The following PRRC2A variants were observed in gnomAD, a reference collection of about 807,000 sequenced individuals.
PRRC2A encodes the protein protein PRRC2A.
In PRRC2A, 59 loss-of-function variants were observed where a neutral mutation model predicts 224.6. The observed-to-expected ratio is 0.26, with a 90% CI of 0.21 to 0.33. The LOEUF (loss-of-function observed/expected upper bound fraction) is 0.33. Among genes scored for constraint, PRRC2A ranks in the 10% least tolerant of loss-of-function variants. The pLI is 1.00. For synonymous variants in PRRC2A, 1,194 were observed against 1,109.5 expected (o/e 1.08, Z -1.51); for missense variants, 3,095 against 2,880.7 (o/e 1.07, Z -1.70).
Position 31,631,385 on chromosome 6 carries a change from C to A in PRRC2A, c.2712C>A (p.Arg904=), listed in dbSNP as rs116345584. ...CAGAAGCAGGCCGAAAGCCTGCCCG[C>A]GGAGTCGGGAGTGGAGGCCAGGGCC... ...TGPEAGRKPA[R]GVGSGGQGPP... The change falls in exon 16 of 31, where the codon CGC becomes CGA. Residue 904 remains arginine, a synonymous_variant. Transcript: ENST00000376033. The surrounding 1 kb of genome is among the most constrained non-coding windows in gnomAD (Gnocchi z 4.5). 3,254 of 1,606,032 alleles carry A rather than the reference C, an allele frequency of 2.0e-3. 21 individuals carry two copies. Among genetic ancestry groups the A allele is most frequent in the African/African-American group, 0.014 (1,008 of 74,616 alleles).
At position 31,637,605 on chromosome 6, in the gene PRRC2A, C is replaced by CT. The variant is rs747676116; in HGVS notation, c.*20dup. On this transcript the variant is annotated 3_prime_UTR_variant, in exon 31 of 31. Transcript: ENST00000376033. ...CCGCTGAGGGAGTTCCTCTTGCCCC[C>CT]TACCCCCGGGGCTTGTATATAGATT... is the stretch of plus-strand genomic sequence containing the variant. The CT allele has an allele frequency of 2.0e-6, 3 of 1,508,984 alleles. No homozygotes were observed. In the African/African-American group the frequency reaches 4.2e-5, roughly 21 times the overall value. The allele number at this position is 1,508,984 out of a possible 1,614,324, so 93.5% of individuals were successfully genotyped here.
rs1775871209 is a variant in PRRC2A at position 31,626,035 on chromosome 6, G to A, written c.855G>A (p.Val285=). 6.2e-7 allele frequency: 1 copy of A among 1,611,848 alleles called. No homozygotes were observed. ...TPDGPSRFPR[V]AGPRGSGPPM... ...TTGTGTACAGCCGTTTTCCCCGTGT[G>A]GCGGGCCCCCGAGGCTCAGGGCCAC... Residue 285 remains valine, a synonymous_variant, in exon 9 of 31, where the codon GTG becomes GTA. Coordinates refer to ENST00000376033, the MANE Select transcript of PRRC2A (RefSeq NM_004638.4).
Position 31,632,180 on chromosome 6 carries a change from C to T in PRRC2A, c.3507C>T (p.Arg1169=), listed in dbSNP as rs756001208. The part of the protein sequence containing the change: ...RVFTPRGVPS[R]RGRGGGRPPP... ...TCACTCCCAGAGGGGTGCCATCTCGCCGGGGCCGAGGAGGAGGGAGGCCCC... is the reference window on the plus strand; with the variant it reads ...TCACTCCCAGAGGGGTGCCATCTCGTCGGGGCCGAGGAGGAGGGAGGCCCC... Residue 1169 remains arginine (R), a synonymous_variant, in exon 16 of 31, where the codon CGC becomes CGT. Transcript: ENST00000376033. The T allele has an allele frequency of 1.2e-4, 195 of 1,596,148 alleles. No individual in the cohort carries two copies. The highest frequency in any genetic ancestry group is 1.6e-4 in the Non-Finnish European group (186 of 1,172,066).
Position 31,626,874 on chromosome 6 carries a change from C to T in PRRC2A, c.1073+12C>T, listed in dbSNP as rs1489965372. 1 of 1,611,442 alleles carries T rather than the reference C, an allele frequency of 6.2e-7. No homozygotes were observed. Among genetic ancestry groups the T allele is most frequent in the Non-Finnish European group, 8.5e-7 (1 of 1,178,958 alleles). On this transcript the variant is annotated intron_variant, in intron 10 of 30. Coordinates refer to ENST00000376033, the MANE Select transcript of PRRC2A (RefSeq NM_004638.4). Reference sequence around the variant, plus strand: ...GGTGCTGAGGGCCAGTGAGTTAGGGCCATCAGGGGAGAAGAGGAGGGGGTC... The same window carrying T: ...GGTGCTGAGGGCCAGTGAGTTAGGGTCATCAGGGGAGAAGAGGAGGGGGTC...
rs1777420532 is a variant in PRRC2A, at chr6:31,636,899, T to A, written c.6101T>A (p.Leu2034Gln). The change falls in exon 28 of 31, where the codon CTG (leucine) becomes CAG (glutamine). Residue 2034 changes from leucine (L) to glutamine (Q), a missense_variant. By Grantham distance (113) the Leu-to-Gln change is moderately radical. Transcript: ENST00000376033. This position sits in a 1 kb window ranked among gnomAD's most constrained non-coding sequence, Gnocchi z 4.3. Reference protein sequence around the residue: ...RPPPAPATRVLPSPARPFPAS... With the variant: ...RPPPAPATRVQPSPARPFPAS... ...CCACCTGCTCCTGCTACTCGGGTGCTGCCTTCACCTGCCAGGCCCTTCCCC... is the reference window on the plus strand; with the variant it reads ...CCACCTGCTCCTGCTACTCGGGTGCAGCCTTCACCTGCCAGGCCCTTCCCC... 17 of 1,612,994 alleles carry A rather than the reference T, an allele frequency of 1.1e-5. No homozygotes were observed. The highest frequency in any genetic ancestry group is 1.4e-5 in the Non-Finnish European group (17 of 1,179,994).
Position 31,623,723 on chromosome 6 carries a change from G to C in PRRC2A, c.113-9G>C, listed in dbSNP as rs531386312. 4.2e-5 allele frequency: 68 copies of C among 1,613,870 alleles called. 1 individual carries two copies. In the South Asian group the frequency reaches 6.8e-4, roughly 16 times the overall value. On this transcript the variant is annotated splice_polypyrimidine_tract_variant and intron_variant, in intron 2 of 30. Transcript: ENST00000376033. ...GCATTTTCGACCCTCTCTCCGTCTTGTTCTCCAGTTGCCCCTCGCCATGGC... is the reference window on the plus strand; with the variant it reads ...GCATTTTCGACCCTCTCTCCGTCTTCTTCTCCAGTTGCCCCTCGCCATGGC...
Position 31,627,905 on chromosome 6 carries a change from C to CATGCAAGAAGAGCGCCGG in PRRC2A, c.1432_1449dup (p.Met478_Arg483dup). 1 of 1,613,048 alleles carries CATGCAAGAAGAGCGCCGG rather than the reference C, an allele frequency of 6.2e-7. No individual in the cohort carries two copies. The highest frequency in any genetic ancestry group is 8.5e-7 in the Non-Finnish European group (1 of 1,180,034). On this transcript the variant is annotated inframe_insertion, in exon 12 of 31. Transcript: ENST00000376033. The surrounding 1 kb of genome is among the most constrained non-coding windows in gnomAD (Gnocchi z 5.6). Reference sequence around the variant, plus strand: ...GACGGCGAGAAGAAGAGGAGCGGCGCATGCAAGAAGAGCGCCGGGCAGCCT... The same window carrying CATGCAAGAAGAGCGCCGG: ...GACGGCGAGAAGAAGAGGAGCGGCGCATGCAAGAAGAGCGCCGGATGCAAGAAGAGCGCCGGGCAGCCT...
In PRRC2A at chr6:31,624,314, A is replaced by C. The variant is rs769504407; in HGVS notation, c.344A>C (p.Gln115Pro). The C allele has an allele frequency of 6.2e-7, 1 of 1,613,996 alleles. No individual in the cohort carries two copies. Among genetic ancestry groups the C allele is most frequent in the Non-Finnish European group, 8.5e-7 (1 of 1,180,000 alleles). The change falls in exon 4 of 31, where the codon CAG becomes CCG. Residue 115 changes from glutamine (Q) to proline (P), a missense_variant. By Grantham distance (76) the Gln-to-Pro change is moderately conservative (BLOSUM62 -1). Transcript: ENST00000376033. ...PPESQPLPASQTPASNQPKRP... is the reference protein window; with the variant it reads ...PPESQPLPASPTPASNQPKRP... ...GAATCGCAGCCACTGCCGGCTTCAC[A>C]GACGCCTGCCTCCAACCAGCCGAAA...
At position 31,624,104 on chromosome 6, in the gene PRRC2A, A is replaced by G. The variant is rs147336858; in HGVS notation, c.291-157A>G. On this transcript the variant is annotated intron_variant, in intron 3 of 30. Coordinates refer to ENST00000376033, the MANE Select transcript of PRRC2A (RefSeq NM_004638.4). ...TTTTTGTCTTGGAGAGAGAGCATGAAAAAATAGACAACAGCCTACAAAGGA... is the reference window on the plus strand; with the variant it reads ...TTTTTGTCTTGGAGAGAGAGCATGAGAAAATAGACAACAGCCTACAAAGGA... Among the ~76,000 whole-genome samples the G allele has an allele frequency of 2.0e-3, 299 of 152,356 alleles. 1 individual carries two copies. The highest frequency in any genetic ancestry group is 4.0e-3 in the Admixed American group (62 of 15,312).
rs1470037462 is a variant in PRRC2A at position 31,637,489 on chromosome 6, A to G, written c.6377A>G (p.Glu2126Gly). The change falls in exon 31 of 31, where the codon GAG becomes GGG. Residue 2126 changes from glutamate (E) to glycine (G), a missense_variant. Transcript: ENST00000376033. ...DALRWIPKPWERTGPPPREGP... is the reference protein window; with the variant it reads ...DALRWIPKPWGRTGPPPREGP... ...CTGCGCTGGATACCTAAGCCTTGGG[A>G]GCGGACAGGGCCGCCACCTCGAGAA... The G allele has an allele frequency of 1.9e-6, 3 of 1,574,188 alleles. No homozygotes were observed. The highest frequency in any genetic ancestry group is 2.6e-6 in the Non-Finnish European group (3 of 1,159,952).
At position 31,626,094 on chromosome 6, in the gene PRRC2A, C is replaced by T. The variant is rs1775881696; in HGVS notation, c.914C>T (p.Ser305Phe). ...TTAGTAGAGCCTGTGGGTCGTCCCT[C>T]TATTCTCAAAGAGGATAATCTCAAA... ...MRLVEPVGRP[S>F]ILKEDNLKEF... Residue 305 changes from serine (S) to phenylalanine (F), a missense_variant, in exon 9 of 31, where the codon TCT becomes TTT. By Grantham distance (155) the Ser-to-Phe change is radical. Around this residue, in one of 8 missense-constraint regions of PRRC2A, gnomAD observed 287 missense variants for 275.3 expected, o/e 1.04. Coordinates refer to ENST00000376033, the MANE Select transcript of PRRC2A (RefSeq NM_004638.4). 6.2e-7 allele frequency: 1 copy of T among 1,612,860 alleles called. No individual in the cohort carries two copies.
rs1561842956 is a variant in PRRC2A at position 31,636,495 on chromosome 6, C to T, written c.5836-15C>T. 1 of 1,609,142 alleles carries T rather than the reference C, an allele frequency of 6.2e-7. No individual in the cohort carries two copies. The highest frequency in any genetic ancestry group is 1.7e-5 in the Admixed American group (1 of 59,794). Reference sequence around the variant, plus strand: ...TTTTGTGGGGGTTGATATATTTCTCCCTGTTTCCCGACAGGTACGCCAGGA... The same window carrying T: ...TTTTGTGGGGGTTGATATATTTCTCTCTGTTTCCCGACAGGTACGCCAGGA... On this transcript the variant is annotated splice_polypyrimidine_tract_variant and intron_variant, in intron 26 of 30. Transcript: ENST00000376033. This position sits in a 1 kb window ranked among gnomAD's most constrained non-coding sequence, Gnocchi z 4.3.
chr6:31,630,694 T>C lies in PRRC2A; in HGVS notation c.2358T>C (p.Asp786=). ...MLRERGTPPV[D]PKLAWVGDVF... ...GGGAACGGGGCACTCCACCGGTGGA[T>C]CCAAAGTTGGCCTGGGTAGGAGATG... The change falls in exon 15 of 31, where the codon GAT becomes GAC. Residue 786 remains aspartate, a synonymous_variant. Coordinates refer to ENST00000376033, the MANE Select transcript of PRRC2A (RefSeq NM_004638.4). 6.2e-7 allele frequency: 1 copy of C among 1,614,044 alleles called. No individual in the cohort carries two copies. Among genetic ancestry groups the C allele is most frequent in the Non-Finnish European group, 8.5e-7 (1 of 1,180,010 alleles).
chr6:31,636,924 C>T lies in PRRC2A; in HGVS notation c.6126C>T (p.Pro2042=), dbSNP rs570553846. ...TGCCTTCACCTGCCAGGCCCTTCCC[C>T]GCTAGCTTGGGGCGAGCAGAGGTAA... ...RVLPSPARPF[P]ASLGRAELHP... Residue 2042 remains proline, a synonymous_variant, in exon 28 of 31, where the codon CCC becomes CCT. Coordinates refer to ENST00000376033, the MANE Select transcript of PRRC2A (RefSeq NM_004638.4). The surrounding 1 kb of genome is among the most constrained non-coding windows in gnomAD (Gnocchi z 4.3). 9.9e-5 allele frequency: 160 copies of T among 1,612,840 alleles called. No homozygotes were observed. Among genetic ancestry groups the T allele is most frequent in the Non-Finnish European group, 1.3e-4 (152 of 1,179,986 alleles).
At position 31,631,920 on chromosome 6, in the gene PRRC2A, A is replaced by G; in HGVS notation, c.3247A>G (p.Thr1083Ala). 1 of 1,612,844 alleles carries G rather than the reference A, an allele frequency of 6.2e-7. No homozygotes were observed. Among genetic ancestry groups the G allele is most frequent in the Non-Finnish European group, 8.5e-7 (1 of 1,179,940 alleles). Reference sequence around the variant, plus strand: ...CCACCCTCCTGCTCCCCGAGGCCGCACTGCCAGCGAGACACGGAGCGAGGG... The same window carrying G: ...CCACCCTCCTGCTCCCCGAGGCCGCGCTGCCAGCGAGACACGGAGCGAGGG... The part of the protein sequence containing the change: ...PNHPPAPRGR[T>A]ASETRSEGSE... Residue 1083 changes from threonine to alanine, a missense_variant, in exon 16 of 31, where the codon ACT becomes GCT. Physicochemically the swap from Thr to Ala is moderately conservative, Grantham distance 58 (BLOSUM62 0). Around this residue, in one of 8 missense-constraint regions of PRRC2A, gnomAD observed 2,001 missense variants for 1,764.9 expected, o/e 1.13. Coordinates refer to ENST00000376033, the MANE Select transcript of PRRC2A (RefSeq NM_004638.4). The surrounding 1 kb of genome is among the most constrained non-coding windows in gnomAD (Gnocchi z 4.5).
At chr6:31,628,903 A>G in intron 12 of PRRC2A, 1 of 524,626 alleles carries the variant, frequency 1.9e-6, no homozygotes, top group South Asian at 2.7e-5. Context: ...CCTATAGGCC[A>G]AGACTGAAGA....
At chr6:31,624,868 G>T in intron 5 of PRRC2A, 1 of 507,696 alleles carries the variant, frequency 2.0e-6, no homozygotes, top group East Asian at 3.3e-5. Flanking sequence ...GCGCAATCTC[G>T]GCTCACTGCA....
At position 31,622,884 on chromosome 6, in the gene PRRC2A, A is replaced by G; in HGVS notation, c.95A>G (p.Glu32Gly). The G allele has an allele frequency of 6.2e-7, 1 of 1,614,100 alleles. No individual in the cohort carries two copies. Reference protein sequence around the residue: ...LFDTYKGKSLEIQKPAVAPRH... With the variant: ...LFDTYKGKSLGIQKPAVAPRH... ...GATACGTATAAGGGCAAGTCCTTAG[A>G]GATCCAGAAACCCGCTGGTGAGAGT... is the stretch of plus-strand genomic sequence containing the variant. Residue 32 changes from glutamate (E) to glycine (G), a missense_variant, in exon 2 of 31, where the codon GAG becomes GGG. By Grantham distance (98) the Glu-to-Gly change is moderately conservative (BLOSUM62 -2). Coordinates refer to ENST00000376033, the MANE Select transcript of PRRC2A (RefSeq NM_004638.4).
chr6:31,631,054 C>T lies in PRRC2A; in HGVS notation c.2466-85C>T, dbSNP rs748033387. 2.0e-4 allele frequency: 274 copies of T among 1,340,418 alleles called. No individual in the cohort carries two copies. Among genetic ancestry groups the T allele is most frequent in the Non-Finnish European group, 2.5e-4 (245 of 981,096 alleles). The allele number at this position is 1,340,418 out of a possible 1,614,324, so 83.0% of individuals were successfully genotyped here. A position where few individuals can be genotyped will look rare whatever the true frequency, so the allele number is the denominator to read the frequency against. ...AAACAGAAAAATAGTAAAAGAGAGT[C>T]TGCATCATAATAAAGTGTTCTTTTC... is the stretch of plus-strand genomic sequence containing the variant. On this transcript the variant is annotated intron_variant, in intron 15 of 30. Coordinates refer to ENST00000376033, the MANE Select transcript of PRRC2A (RefSeq NM_004638.4). The surrounding 1 kb of genome is among the most constrained non-coding windows in gnomAD (Gnocchi z 4.5).
Sources: gnomAD v4.1 joint callset for allele counts (sites outside exome capture counted in the v4.1 genomes callset) on GRCh38, gnomAD v4.1.1 for gene constraint, gnomAD v4.1.1 regional missense constraint, Gnocchi (gnomAD v3.1) non-coding constraint, MANE v1.5 for transcripts, NCBI Gene and HGNC (gene_info 2026-07-23, HGNC 2026-07-21) for gene names.